The following NLRP1 variants were observed in gnomAD, a reference collection of about 807,000 sequenced individuals.
NLRP1 encodes the protein NACHT, LRR and PYD domains-containing protein 1.
A neutral mutation model predicts 136.7 loss-of-function variants in NLRP1; 94 were observed. That is an observed-to-expected ratio of 0.69 (90% confidence interval 0.58 to 0.82). The LOEUF is 0.82. Among genes scored for constraint, NLRP1 ranks in the 40% least tolerant of loss-of-function variants. The pLI is 0.00. For synonymous variants in NLRP1, 690 were observed against 725.1 expected (o/e 0.95, Z 0.78); for missense variants, 1,575 against 1,802.7 (o/e 0.87, Z 2.29).
rs58304391 is a variant in NLRP1 at position 5,508,135 on chromosome 17, GA to G, written c.4070-6264del. The stretch of plus-strand genomic sequence containing the variant: ...GGGGACAGAGCGAGACTCGGTCTCA[GA>G]AAAAAAAAAAAATTAGCTGGGTATG... On this transcript the variant is annotated intron_variant, in intron 15 of 15. Coordinates refer to the NLRP1 transcript ENST00000262467. 4.7e-4 allele frequency among the ~76,000 whole-genome samples: 67 copies of G among 141,094 alleles called. No homozygotes were observed. In the South Asian group the frequency reaches 5.6e-3, roughly 12 times the overall value. The allele number at this position is 141,094 out of a possible 152,430, so 92.6% of individuals were successfully genotyped here. A position where few individuals can be genotyped will look rare whatever the true frequency, so the allele number is the denominator to read the frequency against.
chr17:5,582,752 A>G lies in NLRP1; in HGVS notation c.366T>C (p.His122=). ...CCTGGGTGCACCCCGCCGGCAATTC[A>G]TGGATCCAGGGCATTAGCACTGCGG... The part of the protein sequence containing the change: ...TSTAVLMPWI[H]ELPAGCTQGS... Residue 122 remains histidine (H), a synonymous_variant, in exon 2 of 17, where the codon CAT becomes CAC. Coordinates refer to ENST00000572272, the MANE Select transcript of NLRP1 (RefSeq NM_033004.4). 1.2e-6 allele frequency: 2 copies of G among 1,614,006 alleles called. No homozygotes were observed. Among genetic ancestry groups the G allele is most frequent in the Non-Finnish European group, 1.7e-6 (2 of 1,179,954 alleles).
intron 15 of NLRP1, among the ~76,000 whole-genome samples, chr17:5,517,149 T>G (rs1396524085): frequency 6.6e-6 from 1 of 152,190 alleles, no homozygotes. Flanking sequence ...CTAAAAGCTT[T>G]GTGTATGTCG....
intron 3 of NLRP1, among the ~76,000 whole-genome samples, chr17:5,560,273 T>A (rs1345182017): frequency 6.6e-6 from 1 of 152,212 alleles, no homozygotes; most frequent in Admixed American, 6.5e-5. Context: ...TCACTGAATA[T>A]TTATCAAGGG....
At position 5,559,935 on chromosome 17, in the gene NLRP1, G is replaced by GGGT; in HGVS notation, c.758_760dup (p.His253dup). The GGGT allele has an allele frequency of 1.2e-6, 2 of 1,614,218 alleles. No homozygotes were observed. Among genetic ancestry groups the GGGT allele is most frequent in the Non-Finnish European group, 1.7e-6 (2 of 1,180,028 alleles). ...GCTCTCTCTCACAGAAGGCTCCCAT[G>GGGT]GGTGGTGGTGGGGCTGTAGGCTGGT... On this transcript the variant is annotated inframe_insertion, in exon 4 of 17. Coordinates refer to ENST00000572272, the MANE Select transcript of NLRP1 (RefSeq NM_033004.4).
In NLRP1 at chr17:5,537,613, AC is replaced by A. The variant is rs971148357; in HGVS notation, c.2871-674del. Among the ~76,000 whole-genome samples the A allele has an allele frequency of 3.0e-4, 45 of 151,956 alleles. No individual in the cohort carries two copies. Among genetic ancestry groups the A allele is most frequent in the African/African-American group, 1.1e-3 (45 of 41,340 alleles). On this transcript the variant is annotated intron_variant, in intron 7 of 16. Transcript: ENST00000572272. This position sits in a 1 kb window ranked among gnomAD's most constrained non-coding sequence, Gnocchi z 4.5. ...GCCCAGACAAGGAGGCGGTGAAAAG[AC>A]CCTGTCTTCTGCGAAGGGCTCTGCA...
chr17:5,511,700 C>T (rs946123309), downstream of NLRP1, among the ~76,000 whole-genome samples: 6 of 152,126 alleles, frequency 3.9e-5, no homozygotes, highest in Admixed American at 6.5e-5. Flanking sequence ...AGAGGGTTGG[C>T]GGAGCCCCTC....
rs997478663 is a variant in NLRP1 at position 5,553,432 on chromosome 17, G to A, written c.2482C>T (p.Leu828Phe). 4.3e-6 allele frequency: 7 copies of A among 1,614,162 alleles called. No homozygotes were observed. The highest frequency in any genetic ancestry group is 5.9e-6 in the Non-Finnish European group (7 of 1,180,006). Residue 828 changes from leucine (L) to phenylalanine (F), a missense_variant, in exon 5 of 17, where the codon CTT (leucine) becomes TTT (phenylalanine). Leu to Phe is a conservative substitution (Grantham distance 22). Transcript: ENST00000572272. ...CGAGGGCGTCTCAGGGTCTTACAAA[G>A]ACTCTTCACTGCAGAGTGGCTCAGC... ...NSLSHSAVKS[L>F]CKTLRRPRCL...
chr17:5,561,739 G>A (rs1413208572), intron 3 of NLRP1, among the ~76,000 whole-genome samples: 41,422 of 105,572 alleles, frequency 0.39, 10,259 homozygotes, highest in Non-Finnish European at 0.42. Flanking sequence ...CACCGCGCCC[G>A]GCCCCATGTG....
chr17:5,561,235 T>A (rs973088283), intron 3 of NLRP1, among the ~76,000 whole-genome samples: 5 of 152,042 alleles, frequency 3.3e-5, no homozygotes, highest in African/African-American at 1.2e-4. Flanking sequence ...TTTGTATTTT[T>A]GTAGAGATGG....
chr17:5,558,264 T>A, intron 4 of NLRP1, 75 bp downstream of exon 4: 1 of 1,482,396 alleles, frequency 6.7e-7, no homozygotes, highest in Non-Finnish European at 9.1e-7. Flanking sequence ...TCAGTGAGCA[T>A]GCCTCTGGTG....
chr17:5,535,314 C>A (rs1910904561), intron 8 of NLRP1, among the ~76,000 whole-genome samples: 1 of 152,136 alleles, frequency 6.6e-6, no homozygotes, highest in Non-Finnish European at 1.5e-5. Flanking sequence ...TTCTATCGAG[C>A]TCCCAGTGAG....
In NLRP1 at chr17:5,559,452, G is replaced by C. The variant is rs1467841794; in HGVS notation, c.1244C>G (p.Pro415Arg). Residue 415 changes from proline (P) to arginine (R), a missense_variant, in exon 4 of 17, where the codon CCA becomes CGA. Coordinates refer to ENST00000572272, the MANE Select transcript of NLRP1 (RefSeq NM_033004.4). The stretch of plus-strand genomic sequence containing the variant: ...ACTCGGCTCCTGCAAGACCCATCCT[G>C]GCTCATCTACACCATCGAGGATGAA... ...LLFILDGVDEPGWVLQEPSSE... is the reference protein window; with the variant it reads ...LLFILDGVDERGWVLQEPSSE... 1 of 1,613,442 alleles carries C rather than the reference G, an allele frequency of 6.2e-7. No homozygotes were observed. Among genetic ancestry groups the C allele is most frequent in the Non-Finnish European group, 8.5e-7 (1 of 1,179,832 alleles).
intron 6 of NLRP1, 162 bp from the exon 7 acceptor site, chr17:5,539,747 T>C: frequency 1.1e-6 from 1 of 898,574 alleles, no homozygotes; most frequent in Non-Finnish European, 1.3e-6. Flanking sequence ...ACCTGAGAGA[T>C]TTTCACTTTC....
chr17:5,583,671 T>C lies in NLRP1; in HGVS notation c.271+16A>G. 1.3e-6 allele frequency: 2 copies of C among 1,547,894 alleles called. No homozygotes were observed. Among genetic ancestry groups the C allele is most frequent in the Non-Finnish European group, 1.7e-6 (2 of 1,145,434 alleles). On this transcript the variant is annotated intron_variant, in intron 1 of 16. Coordinates refer to ENST00000572272, the MANE Select transcript of NLRP1 (RefSeq NM_033004.4). This position sits in a 1 kb window ranked among gnomAD's most constrained non-coding sequence, Gnocchi z 4.5. ...AGGGGATGTCCCGCGGGCAGTGGGG[T>C]CCTCTGTCCACTCACCTGCCCCTTC...
chr17:5,542,133 G>T, intron 5 of NLRP1, 106 bp from the exon 6 acceptor site: 1 of 1,145,372 alleles, frequency 8.7e-7, no homozygotes, highest in Non-Finnish European at 1.2e-6. Context: ...CTGTGGGCCA[G>T]GCAGAGGTCT....
chr17:5,533,323 G>A lies in NLRP1; in HGVS notation c.3114C>T (p.Phe1038=). Residue 1038 remains phenylalanine, a synonymous_variant, in exon 10 of 17, where the codon TTC becomes TTT. Coordinates refer to ENST00000572272, the MANE Select transcript of NLRP1 (RefSeq NM_033004.4). The part of the protein sequence containing the change: ...NLKLLDVSKI[F]PIAEIAEESS... The stretch of plus-strand genomic sequence containing the variant: ...TCTTGCCTGCAATCTCAGCAATTGG[G>A]AAGATCTTGCTCACGTCCAGGAGTT... 3.9e-6 allele frequency: 6 copies of A among 1,526,962 alleles called. No individual in the cohort carries two copies. Among genetic ancestry groups the A allele is most frequent in the Non-Finnish European group, 5.3e-6 (6 of 1,124,322 alleles). The allele number at this position is 1,526,962 out of a possible 1,614,324, so 94.6% of individuals were successfully genotyped here. A position where few individuals can be genotyped will look rare whatever the true frequency, so the allele number is the denominator to read the frequency against.
At chr17:5,544,289 G>A (rs1401797748) in intron 5 of NLRP1, among the ~76,000 whole-genome samples, 1 of 152,180 alleles carries the variant, frequency 6.6e-6, no homozygotes, top group African/African-American at 2.4e-5. Context: ...AGCCTTTCTC[G>A]ATTTGGGCTG....
chr17:5,516,295 C>T (rs945040120), intron 15 of NLRP1, among the ~76,000 whole-genome samples: 1 of 152,092 alleles, frequency 6.6e-6, no homozygotes, highest in Admixed American at 6.5e-5. Context: ...GGGGTCAATT[C>T]TGACTCATTC....
chr17:5,527,219 T>A (rs1385244064), intron 12 of NLRP1, among the ~76,000 whole-genome samples: 4 of 152,188 alleles, frequency 2.6e-5, no homozygotes, highest in South Asian at 4.2e-4. Context: ...GCCACACATG[T>A]AAAATATACT....
Sources: gnomAD v4.1 joint callset for allele counts (sites outside exome capture counted in the v4.1 genomes callset) on GRCh38, gnomAD v4.1.1 for gene constraint, Gnocchi (gnomAD v3.1) non-coding constraint, MANE v1.5 for transcripts, NCBI Gene and HGNC (gene_info 2026-07-23, HGNC 2026-07-21) for gene names.